The following CERS6 variants were observed in gnomAD, a reference collection of about 807,000 sequenced individuals.
The protein encoded by CERS6 is ceramide synthase 6.
Under a neutral mutation model 56.8 loss-of-function variants are expected in CERS6, and 26 were observed. The observed-to-expected ratio is 0.46, with a 90% CI of 0.34 to 0.63. CERS6 has a LOEUF of 0.63. CERS6 is among the 30% of genes least tolerant of loss of function. CERS6 has a pLI of 0.01. For synonymous variants in CERS6, 164 were observed against 173.3 expected (o/e 0.95, Z 0.42); for missense variants, 415 against 467.5 (o/e 0.89, Z 1.04).
intron 3 of CERS6, among the ~76,000 whole-genome samples, chr2:168,591,997 C>T (rs1194469584): frequency 6.6e-6 from 1 of 152,170 alleles, no homozygotes; most frequent in Non-Finnish European, 1.5e-5. Context: ...GGGTGCCCAA[C>T]TCTTCATTTT....
At chr2:168,465,966 A>G (rs570406592) in intron 1 of CERS6, among the ~76,000 whole-genome samples, 1 of 152,150 alleles carries the variant, frequency 6.6e-6, no homozygotes, top group East Asian at 1.9e-4. Context: ...TCTAGTTAGG[A>G]ACAAACATCC....
At chr2:168,461,112 C>T (rs551357352) in intron 1 of CERS6, among the ~76,000 whole-genome samples, 2 of 152,202 alleles carry the variant, frequency 1.3e-5, no homozygotes, top group South Asian at 4.1e-4. Flanking sequence ...GAATTTGTTC[C>T]TCAGTGTTCC....
At chr2:168,678,290 C>T (rs1686117854) in intron 4 of CERS6, among the ~76,000 whole-genome samples, 1 of 152,152 alleles carries the variant, frequency 6.6e-6, no homozygotes, top group African/African-American at 2.4e-5. Context: ...GAATCGCTGC[C>T]TGAGGTACTG....
At chr2:168,507,656 A>G (rs1694702859) in intron 1 of CERS6, among the ~76,000 whole-genome samples, 1 of 152,138 alleles carries the variant, frequency 6.6e-6, no homozygotes, top group African/African-American at 2.4e-5. Context: ...GAGGTCTTCC[A>G]AGGTTTTGCC....
rs1491580943 is a variant in CERS6, at chr2:168,486,518, G to GTTTTTTTTTTTTTTTTTTTTTTTTTTTTT, written c.170+29900_170+29901insTTTTTTTTTTTTTTTTTTTTTTTTTTTTT. 5.3e-4 allele frequency among the ~76,000 whole-genome samples: 72 copies of GTTTTTTTTTTTTTTTTTTTTTTTTTTTTT among 136,296 alleles called. 1 individual carries two copies. The highest frequency in any genetic ancestry group is 3.6e-3 in the Middle Eastern group (1 of 276). 89.4% of individuals were successfully genotyped at this position (136,296 alleles called of 152,430 possible). A position where few individuals can be genotyped will look rare whatever the true frequency, so the allele number is the denominator to read the frequency against. On this transcript the variant is annotated intron_variant, in intron 1 of 9. Coordinates refer to ENST00000305747, the MANE Select transcript of CERS6 (RefSeq NM_203463.3). The stretch of plus-strand genomic sequence containing the variant: ...ATTTTTGTTAAAGGTGTCTAGATTT[G>GTTTTTTTTTTTTTTTTTTTTTTTTTTTTT]GTTTTGTTTTTTTTTTTTTTGCCTA...
chr2:168,513,449 T>C (rs1694830874), intron 1 of CERS6, among the ~76,000 whole-genome samples: 1 of 152,212 alleles, frequency 6.6e-6, no homozygotes, highest in Non-Finnish European at 1.5e-5. Context: ...CTCAAACTTT[T>C]CTTGTTTATG....
intron 1 of CERS6, among the ~76,000 whole-genome samples, chr2:168,499,704 A>G (rs748994410): frequency 4.6e-5 from 7 of 152,160 alleles, no homozygotes; most frequent in Non-Finnish European, 1.0e-4. Context: ...CACTTGAGTT[A>G]AATTTCTTGG....
At chr2:168,758,278 C>G (rs531230856) in intron 8 of CERS6, among the ~76,000 whole-genome samples, 2 of 152,302 alleles carry the variant, frequency 1.3e-5, no homozygotes, top group African/African-American at 4.8e-5. Context: ...TGAAGTAAAC[C>G]ACACCCTAAT....
chr2:168,691,096 T>C lies in CERS6; in HGVS notation c.516+12T>C. On this transcript the variant is annotated intron_variant, in intron 5 of 9. Coordinates refer to ENST00000305747, the MANE Select transcript of CERS6 (RefSeq NM_203463.3). The stretch of plus-strand genomic sequence containing the variant: ...ACTACCCCTATCAGGTAAGGAGGCA[T>C]TATTGTCTGGGTTTTTACACACATT... 6.2e-7 allele frequency: 1 copy of C among 1,611,718 alleles called. No homozygotes were observed. Among genetic ancestry groups the C allele is most frequent in the Non-Finnish European group, 8.5e-7 (1 of 1,177,976 alleles).
At chr2:168,657,745 C>G (rs1438854331) in intron 4 of CERS6, among the ~76,000 whole-genome samples, 3 of 152,246 alleles carry the variant, frequency 2.0e-5, no homozygotes, top group African/African-American at 7.2e-5. Flanking sequence ...GCGGGGCCCA[C>G]CAAGCCCACG....
At chr2:168,590,032 C>T (rs1222770627) in intron 3 of CERS6, among the ~76,000 whole-genome samples, 1 of 152,162 alleles carries the variant, frequency 6.6e-6, no homozygotes, top group Non-Finnish European at 1.5e-5. Flanking sequence ...TAAACCAGTA[C>T]AGTACCTGAG....
chr2:168,505,438 G>A (rs948363735), intron 1 of CERS6, among the ~76,000 whole-genome samples: 3 of 150,808 alleles, frequency 2.0e-5, no homozygotes, highest in Non-Finnish European at 3.0e-5. Context: ...GCTGCTCAAG[G>A]AAATCTCTCC....
chr2:168,559,590 A>G (rs543323841), intron 2 of CERS6, among the ~76,000 whole-genome samples: 1 of 151,628 alleles, frequency 6.6e-6, no homozygotes, highest in South Asian at 2.1e-4. Flanking sequence ...GTTCACCCTC[A>G]TGATCTCATT....
At chr2:168,755,956 A>G (rs1313877857) in intron 8 of CERS6, among the ~76,000 whole-genome samples, 1 of 152,212 alleles carries the variant, frequency 6.6e-6, no homozygotes. Context: ...CATACCATTG[A>G]AATCTCTAAG....
intron 1 of CERS6, among the ~76,000 whole-genome samples, chr2:168,462,034 T>C (rs1256379367): frequency 2.0e-5 from 3 of 152,234 alleles, no homozygotes; most frequent in Non-Finnish European, 2.9e-5. Flanking sequence ...TTTACTAACT[T>C]GATTAAACCT....
In CERS6 at chr2:168,631,575, A is replaced by T. The variant is rs377095357; in HGVS notation, c.465+533A>T. On this transcript the variant is annotated intron_variant, in intron 4 of 9. Transcript: ENST00000305747. ...TTTTAATATTTATATATTAAATATA[A>T]TATATATTTAATATTTATATATTAA... Among the ~76,000 whole-genome samples, 141 of 44,582 alleles carry T rather than the reference A, an allele frequency of 3.2e-3. 1 individual carries two copies. The highest frequency in any genetic ancestry group is 7.9e-3 in the African/African-American group (88 of 11,166). 29.2% of individuals were successfully genotyped at this position (44,582 alleles called of 152,430 possible).
chr2:168,484,181 T>G (rs1694232298), intron 1 of CERS6, among the ~76,000 whole-genome samples: 1 of 97,508 alleles, frequency 1.0e-5, no homozygotes, highest in Non-Finnish European at 2.1e-5. Flanking sequence ...TTTTTTTTTT[T>G]TTTTTTTTTT....
chr2:168,614,384 A>G (rs1294167039), intron 3 of CERS6, among the ~76,000 whole-genome samples: 2 of 152,214 alleles, frequency 1.3e-5, no homozygotes, highest in Non-Finnish European at 2.9e-5. Flanking sequence ...ATGAGGCATG[A>G]TTTTAAATGT....
At chr2:168,461,630 C>T (rs1333813870) in intron 1 of CERS6, among the ~76,000 whole-genome samples, 3 of 152,032 alleles carry the variant, frequency 2.0e-5, no homozygotes, top group African/African-American at 7.3e-5. Flanking sequence ...TGAATTTACA[C>T]AGTGAAGTAG....
Sources: allele counts gnomAD v4.1 joint callset (sites outside exome capture counted in the v4.1 genomes callset), GRCh38; gene constraint gnomAD v4.1.1; transcripts MANE v1.5; gene names NCBI Gene and HGNC (gene_info 2026-07-23, HGNC 2026-07-21).